Variants in NALCN observed in about 807,000 individuals in gnomAD.
NALCN encodes sodium leak channel, non-selective.
In NALCN, 111 loss-of-function variants were observed where a neutral mutation model predicts 225.3. The observed-to-expected ratio is 0.49, with a 90% CI of 0.42 to 0.58. The LOEUF is 0.58. NALCN is among the 20% of genes least tolerant of loss of function. The pLI is 0.00. For synonymous variants in NALCN, 764 were observed against 769.0 expected, an observed-to-expected ratio of 0.99 and a Z score of 0.11; for missense variants, 1,378 against 2,202.4, an observed-to-expected ratio of 0.63 and a Z score of 7.49.
In NALCN at chr13:101,143,094, A is replaced by G; in HGVS notation, c.2104T>C (p.Tyr702His). The G allele has an allele frequency of 1.9e-6, 3 of 1,614,106 alleles. No individual in the cohort carries two copies. The highest frequency in any genetic ancestry group is 2.5e-6 in the Non-Finnish European group (3 of 1,180,006). ...SKRSAIEDNK[Y>H]IDQKLRKSVF... ...GCAGATCTTACTTTTTGGTCGATGTATTTGTTGTCCTCAATTGCTGAGCGT... is the reference window on the plus strand; with the variant it reads ...GCAGATCTTACTTTTTGGTCGATGTGTTTGTTGTCCTCAATTGCTGAGCGT... Residue 702 changes from tyrosine (Y) to histidine (H), a missense_variant, in exon 17 of 44, where the codon TAC becomes CAC. Transcript: ENST00000251127.
chr13:101,169,342 AT>A (rs1370836114), intron 15 of NALCN, among the ~76,000 whole-genome samples: 1 of 142,236 alleles, frequency 7.0e-6, no homozygotes. Flanking sequence ...ATTTTTAAAA[AT>A]ATTTTTATTT....
At chr13:101,218,932 C>T (rs1342261631) in intron 13 of NALCN, among the ~76,000 whole-genome samples, 60 of 152,056 alleles carry the variant, frequency 3.9e-4, no homozygotes, top group Non-Finnish European at 1.5e-5. Flanking sequence ...GGCTAATATA[C>T]TGTGGGTCTA....
chr13:101,387,644 A>T (rs1025529065), intron 3 of NALCN, among the ~76,000 whole-genome samples: 1 of 152,218 alleles, frequency 6.6e-6, no homozygotes, highest in Non-Finnish European at 1.5e-5. Context: ...AGGTAGAAAA[A>T]GTATGAAAAA....
chr13:101,370,925 A>C (rs561811453), intron 6 of NALCN, among the ~76,000 whole-genome samples: 1 of 152,060 alleles, frequency 6.6e-6, no homozygotes, highest in Non-Finnish European at 1.5e-5. Flanking sequence ...AACCTTTATC[A>C]CTAGGCAACT....
At position 101,104,289 on chromosome 13, in the gene NALCN, A is replaced by G. The variant is rs746076703; in HGVS notation, c.2889+6T>C. 3 of 1,588,556 alleles carry G rather than the reference A, an allele frequency of 1.9e-6. No homozygotes were observed. Among genetic ancestry groups the G allele is most frequent in the African/African-American group, 2.7e-5 (2 of 73,234 alleles). ...TTTTTCATTTAGGCAATAAGCAAAGACTTACAAGATATATAAATATGTCCA... is the reference window on the plus strand; with the variant it reads ...TTTTTCATTTAGGCAATAAGCAAAGGCTTACAAGATATATAAATATGTCCA... On this transcript the variant is annotated splice_donor_region_variant and intron_variant, in intron 25 of 43. Coordinates refer to ENST00000251127, the MANE Select transcript of NALCN (RefSeq NM_052867.4). The surrounding 1 kb of genome is among the most constrained non-coding windows in gnomAD (Gnocchi z 4.2).
At chr13:101,353,972 G>C (rs917318067) in intron 6 of NALCN, among the ~76,000 whole-genome samples, 3 of 152,186 alleles carry the variant, frequency 2.0e-5, no homozygotes, top group Admixed American at 1.3e-4. Flanking sequence ...ATAAGGGACA[G>C]TGCACCTGAC....
At chr13:101,326,501 T>A (rs552418023) in intron 7 of NALCN, among the ~76,000 whole-genome samples, 2 of 152,314 alleles carry the variant, frequency 1.3e-5, no homozygotes, top group South Asian at 4.1e-4. Flanking sequence ...GAAATGCTGA[T>A]GACACAATCT....
Position 101,361,515 on chromosome 13 carries a change from T to A in NALCN, c.644+15185A>T, listed in dbSNP as rs529453387. Among the ~76,000 whole-genome samples, 6 of 152,274 alleles carry A rather than the reference T, an allele frequency of 3.9e-5. No homozygotes were observed. The South Asian group carries it at 1.2e-3, about 32-fold the overall frequency. On this transcript the variant is annotated intron_variant, in intron 6 of 43. Coordinates refer to ENST00000251127, the MANE Select transcript of NALCN (RefSeq NM_052867.4). ...ATTCAAACATTTTGGACACACATGTTGAAGGAAGGTTATCTCATACACTGA... is the reference window on the plus strand; with the variant it reads ...ATTCAAACATTTTGGACACACATGTAGAAGGAAGGTTATCTCATACACTGA...
intron 3 of NALCN, among the ~76,000 whole-genome samples, chr13:101,384,069 A>G (rs1256573478): frequency 6.6e-6 from 1 of 152,200 alleles, no homozygotes; most frequent in Non-Finnish European, 1.5e-5. Flanking sequence ...CCCTAGCCAT[A>G]GTAGTCAAAG....
In NALCN at chr13:101,214,851, T is replaced by C. The variant is rs978030739; in HGVS notation, c.1626+14542A>G. Among the ~76,000 whole-genome samples the C allele has an allele frequency of 2.0e-5, 3 of 152,134 alleles. No homozygotes were observed. The East Asian group carries it at 5.8e-4, about 29-fold the overall frequency. ...GTTGATCCAGATCCAGTAAAAAAAATTCAATGGCAAAAGGGGATGACAAGG... is the reference window on the plus strand; with the variant it reads ...GTTGATCCAGATCCAGTAAAAAAAACTCAATGGCAAAAGGGGATGACAAGG... On this transcript the variant is annotated intron_variant, in intron 13 of 43. Coordinates refer to ENST00000251127, the MANE Select transcript of NALCN (RefSeq NM_052867.4).
intron 39 of NALCN, among the ~76,000 whole-genome samples, chr13:101,066,861 G>A (rs373686297): frequency 2.0e-5 from 3 of 151,996 alleles, no homozygotes; most frequent in African/African-American, 4.8e-5. Flanking sequence ...TCCAGATCTC[G>A]CCCCAAATAC....
intron 6 of NALCN, among the ~76,000 whole-genome samples, chr13:101,357,170 T>C (rs988299072): frequency 2.0e-5 from 3 of 152,146 alleles, no homozygotes; most frequent in African/African-American, 7.2e-5. Flanking sequence ...CAACATAGTA[T>C]TGGATGTTCT....
intron 13 of NALCN, among the ~76,000 whole-genome samples, chr13:101,221,494 G>T (rs35124399): frequency 6.6e-6 from 1 of 151,888 alleles, no homozygotes; most frequent in Admixed American, 6.6e-5. Context: ...CCCTGACACA[G>T]GCTACTCCCA....
At chr13:101,101,682 G>C (rs2034831370) in intron 26 of NALCN, among the ~76,000 whole-genome samples, 1 of 152,140 alleles carries the variant, frequency 6.6e-6, no homozygotes, top group Non-Finnish European at 1.5e-5. Context: ...TATGCATAGA[G>C]GAGAGGAGAG....
chr13:101,207,103 T>C (rs1594435560), intron 13 of NALCN, among the ~76,000 whole-genome samples: 1 of 152,146 alleles, frequency 6.6e-6, no homozygotes, highest in Non-Finnish European at 1.5e-5. Context: ...GTTACTTTCT[T>C]AGGAGAGATT....
intron 7 of NALCN, among the ~76,000 whole-genome samples, chr13:101,299,864 G>C (rs2043888126): frequency 6.6e-6 from 1 of 152,126 alleles, no homozygotes; most frequent in African/African-American, 2.4e-5. Flanking sequence ...AAGGTCAGTA[G>C]TGAGATTGAC....
In NALCN at chr13:101,292,527, T is replaced by C. The variant is rs2043592116; in HGVS notation, c.800-161A>G. Among the ~76,000 whole-genome samples, 1 of 152,224 alleles carries C rather than the reference T, an allele frequency of 6.6e-6. No individual in the cohort carries two copies. The highest frequency in any genetic ancestry group is 2.4e-5 in the African/African-American group (1 of 41,460). On this transcript the variant is annotated intron_variant, in intron 7 of 43. Coordinates refer to ENST00000251127, the MANE Select transcript of NALCN (RefSeq NM_052867.4). The surrounding 1 kb of genome is among the most constrained non-coding windows in gnomAD (Gnocchi z 4.3). ...CATGCAACACATTTTACTGTTCTCT[T>C]AAAATTTTAATAAAGTTGTTTCTGA...
intron 18 of NALCN, among the ~76,000 whole-genome samples, chr13:101,119,754 AAGTC>A (rs1188674367): frequency 6.6e-6 from 1 of 152,224 alleles, no homozygotes; most frequent in Admixed American, 6.5e-5. Flanking sequence ...GATACAGTCT[AAGTC>A]AGAACAACAA....
intron 2 of NALCN, among the ~76,000 whole-genome samples, chr13:101,397,090 A>T (rs1482430859): frequency 1.3e-4 from 8 of 62,292 alleles, no homozygotes; most frequent in East Asian, 1.1e-3. Flanking sequence ...ATATATATAT[A>T]TATATATATA....
Sources: allele counts gnomAD v4.1 joint callset (sites outside exome capture counted in the v4.1 genomes callset), GRCh38; gene constraint gnomAD v4.1.1; non-coding constraint Gnocchi (gnomAD v3.1); transcripts MANE v1.5; gene names NCBI Gene and HGNC (gene_info 2026-07-23, HGNC 2026-07-21).